CRHR2: variants seen among roughly 807,000 people sequenced by gnomAD.
The protein encoded by CRHR2 is corticotropin-releasing hormone receptor 2.
Under a neutral mutation model 57.9 loss-of-function variants are expected in CRHR2, and 53 were observed. The observed-to-expected ratio is 0.92, with a 90% CI of 0.73 to 1.15. CRHR2 has a LOEUF of 1.15. CRHR2 is among the 50% of genes most tolerant of loss of function. CRHR2 has a pLI of 0.00. For synonymous variants in CRHR2, 213 were observed against 220.9 expected (o/e 0.96, Z 0.32); for missense variants, 532 against 542.6 (o/e 0.98, Z 0.19).
chr7:30,654,988 G>C, intron 11 of CRHR2, 51 bp downstream of exon 11: 1 of 1,599,960 alleles, frequency 6.3e-7, no homozygotes, highest in Non-Finnish European at 8.5e-7. Flanking sequence ...CCCTGGAGTG[G>C]GGTCTGAGGA....
At chr7:30,673,545 CTCTCAATCAATG>C (rs1784429324) in intron 2 of CRHR2, among the ~76,000 whole-genome samples, 2 of 152,126 alleles carry the variant, frequency 1.3e-5, no homozygotes, top group South Asian at 4.1e-4. Context: ...TGGGAAAAAC[CTCTCAATCAATG>C]TCTCCTCCCA....
intron 2 of CRHR2, chr7:30,689,170 G>A (rs1311291460): frequency 6.5e-6 from 10 of 1,545,234 alleles, no homozygotes; most frequent in Non-Finnish European, 8.8e-6. Context: ...CTGCTGCAGG[G>A]TGGTGGCAGA....
chr7:30,697,142 T>C (rs1454296856), intron 1 of CRHR2, among the ~76,000 whole-genome samples: 1 of 152,176 alleles, frequency 6.6e-6, no homozygotes. Flanking sequence ...ACTCGGTCTT[T>C]GGTGTGAGCC....
intron 2 of CRHR2, 94 bp downstream of exon 2, chr7:30,681,821 C>T: frequency 6.8e-7 from 1 of 1,479,648 alleles, no homozygotes; most frequent in Non-Finnish European, 8.9e-7. Context: ...CCGTCAGCAG[C>T]TTTGTACCGC....
chr7:30,686,185 A>G (rs1434049870), upstream of CRHR2, among the ~76,000 whole-genome samples: 2 of 152,136 alleles, frequency 1.3e-5, no homozygotes, highest in Non-Finnish European at 2.9e-5. Context: ...CTCCACACTC[A>G]TCCTTCAGAC....
chr7:30,660,535 G>A, intron 8 of CRHR2, 38 bp downstream of exon 8: 1 of 1,547,256 alleles, frequency 6.5e-7, no homozygotes. Context: ...CTGTCCTCTT[G>A]GCACCCAGCC....
intron 2 of CRHR2, chr7:30,689,033 A>C: frequency 5.8e-6 from 4 of 691,012 alleles, no homozygotes; most frequent in Non-Finnish European, 1.0e-5. Context: ...GGCCTGCGTA[A>C]GGGCCCTCAG....
At chr7:30,655,442 T>C in intron 10 of CRHR2, 138 bp downstream of exon 10, 2 of 1,099,960 alleles carry the variant, frequency 1.8e-6, no homozygotes, top group Non-Finnish European at 1.3e-6. Context: ...AGGCTGAGCA[T>C]GTACGGGCTT....
intron 7 of CRHR2, among the ~76,000 whole-genome samples, chr7:30,661,584 C>G (rs1011821230): frequency 6.6e-6 from 1 of 152,154 alleles, no homozygotes; most frequent in African/African-American, 2.4e-5. Flanking sequence ...GCTAATGTTC[C>G]CTGGTCCCCG....
chr7:30,653,646 G>C lies in CRHR2; in HGVS notation c.1096-46C>G. 1 of 1,559,322 alleles carries C rather than the reference G, an allele frequency of 6.4e-7. No individual in the cohort carries two copies. The highest frequency in any genetic ancestry group is 8.6e-7 in the Non-Finnish European group (1 of 1,159,068). On this transcript the variant is annotated intron_variant, in intron 11 of 11. Coordinates refer to ENST00000471646, the MANE Select transcript of CRHR2 (RefSeq NM_001883.5). The surrounding 1 kb of genome is among the most constrained non-coding windows in gnomAD (Gnocchi z 5.0). The stretch of plus-strand genomic sequence containing the variant: ...CAGCTGGCTCCCAGGGACCAACCCT[G>C]GGCTTCTGGGACCATCCCCTCCTCT...
chr7:30,659,976 G>T lies in CRHR2; in HGVS notation c.831+597C>A, dbSNP rs1029056258. ...TTTTTTAAAGGTATGATATATAATG[G>T]GTTCCTTTTGCAGAATGCAGCCTCT... On this transcript the variant is annotated intron_variant, in intron 8 of 11. Coordinates refer to ENST00000471646, the MANE Select transcript of CRHR2 (RefSeq NM_001883.5). Among the ~76,000 whole-genome samples, 70 of 151,962 alleles carry T rather than the reference G, an allele frequency of 4.6e-4. 1 individual carries two copies. Among genetic ancestry groups the T allele is most frequent in the African/African-American group, 1.6e-3 (68 of 41,358 alleles).
intron 1 of CRHR2, among the ~76,000 whole-genome samples, chr7:30,697,211 G>T (rs1386102529): frequency 6.6e-6 from 1 of 152,120 alleles, no homozygotes; most frequent in South Asian, 2.1e-4. Flanking sequence ...TGTTCTCTTT[G>T]TTGAGCCTTC....
upstream of CRHR2, among the ~76,000 whole-genome samples, chr7:30,682,876 C>G (rs547607135): frequency 1.3e-5 from 2 of 152,362 alleles, no homozygotes; most frequent in South Asian, 2.1e-4. Context: ...GAGGCAGAGA[C>G]GGAGAGCCCA....
intron 2 of CRHR2, among the ~76,000 whole-genome samples, chr7:30,673,614 A>G (rs1784431345): frequency 6.6e-6 from 1 of 152,134 alleles, no homozygotes; most frequent in Admixed American, 6.5e-5. Context: ...TCCCCAGTTA[A>G]GAGACTTTTG....
In CRHR2 at chr7:30,682,390, G is replaced by A. The variant is rs1784752010; in HGVS notation, c.-110C>T. The A allele has an allele frequency of 2.9e-6, 4 of 1,389,564 alleles. No homozygotes were observed. Among genetic ancestry groups the A allele is most frequent in the Non-Finnish European group, 3.7e-6 (4 of 1,076,508 alleles). The allele number at this position is 1,389,564 out of a possible 1,614,324, so 86.1% of individuals were successfully genotyped here. On this transcript the variant is annotated 5_prime_UTR_variant, in exon 1 of 12. Coordinates refer to ENST00000471646, the MANE Select transcript of CRHR2 (RefSeq NM_001883.5). ...GAGAGGGCGCGGGGTCCTGGCCCCCGCCAGCCCAGCCCCGATCTCCCGGGC... is the reference window on the plus strand; with the variant it reads ...GAGAGGGCGCGGGGTCCTGGCCCCCACCAGCCCAGCCCCGATCTCCCGGGC...
intron 1 of CRHR2, among the ~76,000 whole-genome samples, chr7:30,690,780 GC>G (rs2128150944): frequency 6.6e-6 from 1 of 152,286 alleles, no homozygotes; most frequent in African/African-American, 2.4e-5. Context: ...CCTCCCGGAA[GC>G]CTAGGGTGAG....
Position 30,665,050 on chromosome 7 carries a change from G to C in CRHR2, c.543+20C>G. On this transcript the variant is annotated intron_variant, in intron 5 of 11. Transcript: ENST00000471646. This position sits in a 1 kb window ranked among gnomAD's most constrained non-coding sequence, Gnocchi z 4.5. ...CCCAGAGCCCCCCAGGTATAGCCCC[G>C]AGTCTCCCCGAGCAATGACCTCATT... 6.2e-7 allele frequency: 1 copy of C among 1,604,024 alleles called. No individual in the cohort carries two copies. Among genetic ancestry groups the C allele is most frequent in the South Asian group, 1.1e-5 (1 of 90,854 alleles).
chr7:30,681,787 C>T, intron 2 of CRHR2, 128 bp downstream of exon 2: 1 of 1,376,112 alleles, frequency 7.3e-7, no homozygotes, highest in Admixed American at 3.2e-5. Context: ...GGGTCCTTAA[C>T]GCCCGCGGTC....
chr7:30,685,417 T>C (rs1370222269), upstream of CRHR2, among the ~76,000 whole-genome samples: 1 of 152,216 alleles, frequency 6.6e-6, no homozygotes, highest in African/African-American at 2.4e-5. Flanking sequence ...GGACTGTCCT[T>C]GGTTAGACTA....
Sources: gnomAD v4.1 joint callset for allele counts (sites outside exome capture counted in the v4.1 genomes callset) on GRCh38, gnomAD v4.1.1 for gene constraint, Gnocchi (gnomAD v3.1) non-coding constraint, MANE v1.5 for transcripts, NCBI Gene and HGNC (gene_info 2026-07-23, HGNC 2026-07-21) for gene names.